Variants in SHISA9 observed in about 807,000 individuals in gnomAD.
SHISA9 encodes the protein protein shisa-9.
SHISA9 carries 13 observed loss-of-function variants against 38.0 expected under a neutral mutation model. That is an observed-to-expected ratio of 0.34 (90% CI 0.22 to 0.54). The LOEUF (loss-of-function observed/expected upper bound fraction) is 0.54. SHISA9 is among the 20% of genes least tolerant of loss of function. The pLI is 0.91. For missense variants in SHISA9, 538 were observed against 575.8 expected (o/e 0.93, Z 0.67); for synonymous variants, 275 against 242.0 (o/e 1.14, Z -1.27).
the SHISA9 span, among the ~76,000 whole-genome samples, chr16:13,554,758 C>T: frequency 6.6e-6 from 1 of 152,182 alleles, no homozygotes; most frequent in East Asian, 1.9e-4. Context: ...TCCCAAAGAG[C>T]CACCGTGCCC....
chr16:13,256,223 C>A, the SHISA9 span, among the ~76,000 whole-genome samples: 1 of 152,154 alleles, frequency 6.6e-6, no homozygotes, highest in Non-Finnish European at 1.5e-5. Flanking sequence ...TTAGGTGCTT[C>A]TTCTCATGGC....
intron 1 of SHISA9, chr16:12,910,311 ATTCATTCT>A (rs2071164990): frequency 4.8e-6 from 1 of 207,128 alleles, no homozygotes. Flanking sequence ...AAATTCATTC[ATTCATTCT>A]TTCATTCATT....
intron 2 of SHISA9, among the ~76,000 whole-genome samples, chr16:12,944,815 T>C (rs1359135975): frequency 6.6e-6 from 1 of 152,160 alleles, no homozygotes; most frequent in African/African-American, 2.4e-5. Context: ...TTGACTTTCC[T>C]ACAAGCAGAT....
At chr16:13,516,740 G>C in the SHISA9 span, among the ~76,000 whole-genome samples, 1 of 151,506 alleles carries the variant, frequency 6.6e-6, no homozygotes, top group African/African-American at 2.4e-5. Flanking sequence ...AGAGTTTGCA[G>C]TGAGCCAAGA....
chr16:13,344,588 G>A, the SHISA9 span, among the ~76,000 whole-genome samples: 1 of 152,030 alleles, frequency 6.6e-6, no homozygotes, highest in Non-Finnish European at 1.5e-5. Context: ...TAATAATATT[G>A]ATAATAATGA....
At chr16:13,266,527 C>T in the SHISA9 span, among the ~76,000 whole-genome samples, 1 of 152,150 alleles carries the variant, frequency 6.6e-6, no homozygotes, top group Admixed American at 6.6e-5. Flanking sequence ...TTCAAGCATG[C>T]AAGCAGCATT....
the SHISA9 span, among the ~76,000 whole-genome samples, chr16:13,269,905 T>G: frequency 3.9e-5 from 6 of 152,266 alleles, no homozygotes; most frequent in South Asian, 8.3e-4. Context: ...CACCACAGAT[T>G]TGGTGAAACT....
the SHISA9 span, among the ~76,000 whole-genome samples, chr16:13,365,613 C>T: frequency 1.5e-4 from 23 of 152,028 alleles, no homozygotes; most frequent in East Asian, 9.7e-4. Flanking sequence ...CGTACCACCA[C>T]GCCTGGCTAA....
intron 2 of SHISA9, among the ~76,000 whole-genome samples, chr16:13,176,587 A>T (rs1012424719): frequency 6.6e-6 from 1 of 152,216 alleles, no homozygotes; most frequent in Admixed American, 6.5e-5. Context: ...AGACCCAGGA[A>T]CACGGACCCA....
At chr16:12,962,922 C>G (rs1203584524) in intron 2 of SHISA9, among the ~76,000 whole-genome samples, 1 of 152,162 alleles carries the variant, frequency 6.6e-6, no homozygotes, top group Non-Finnish European at 1.5e-5. Flanking sequence ...TGAGTAGATT[C>G]TTTTAGTCCA....
the SHISA9 span, among the ~76,000 whole-genome samples, chr16:13,423,476 G>A: frequency 1.3e-5 from 2 of 152,120 alleles, no homozygotes; most frequent in Non-Finnish European, 2.9e-5. Flanking sequence ...CAGTATCTCC[G>A]AGAGAGATCC....
chr16:13,379,905 A>G, the SHISA9 span, among the ~76,000 whole-genome samples: 1 of 152,228 alleles, frequency 6.6e-6, no homozygotes, highest in Admixed American at 6.5e-5. Context: ...ATATTACATT[A>G]TAGTATAGTT....
At chr16:12,953,168 TA>T (rs970033570) in intron 2 of SHISA9, among the ~76,000 whole-genome samples, 1 of 124,612 alleles carries the variant, frequency 8.0e-6, no homozygotes. Flanking sequence ...AGAGGAACCT[TA>T]AAAAAAAGTA....
the SHISA9 span, among the ~76,000 whole-genome samples, chr16:13,370,121 G>A: frequency 1.3e-5 from 2 of 152,162 alleles, no homozygotes; most frequent in African/African-American, 2.4e-5. Flanking sequence ...AGTGCAGCCC[G>A]AGTCGAGCTC....
At chr16:13,460,731 A>T in the SHISA9 span, among the ~76,000 whole-genome samples, 1 of 152,164 alleles carries the variant, frequency 6.6e-6, no homozygotes, top group Non-Finnish European at 1.5e-5. Flanking sequence ...GGTTAGTGAG[A>T]TTCATATTAT....
the SHISA9 span, among the ~76,000 whole-genome samples, chr16:13,339,352 A>G: frequency 1.2e-4 from 18 of 152,144 alleles, no homozygotes; most frequent in Non-Finnish European, 2.4e-4. Flanking sequence ...AGAGGATGAT[A>G]AGACGTTGTT....
chr16:13,355,612 A>G, the SHISA9 span, among the ~76,000 whole-genome samples: 3 of 152,128 alleles, frequency 2.0e-5, no homozygotes, highest in African/African-American at 7.2e-5. Context: ...TTGGCACCAG[A>G]GTTGGGGAGT....
chr16:13,546,226 AC>A, the SHISA9 span, among the ~76,000 whole-genome samples: 1 of 152,062 alleles, frequency 6.6e-6, no homozygotes, highest in South Asian at 2.1e-4. Context: ...CCAAGCAACC[AC>A]CATCTCTTAC....
intron 2 of SHISA9, among the ~76,000 whole-genome samples, chr16:13,041,795 C>T (rs2141888851): frequency 6.6e-6 from 1 of 152,280 alleles, no homozygotes. Flanking sequence ...GACCTCACTG[C>T]CATGGATTCC....
Sources: allele counts gnomAD v4.1 joint callset (sites outside exome capture counted in the v4.1 genomes callset), GRCh38; gene constraint gnomAD v4.1.1; transcripts MANE v1.5; gene names NCBI Gene and HGNC (gene_info 2026-07-23, HGNC 2026-07-21).